Variants in NEURL1B observed in about 807,000 individuals in gnomAD.
The protein encoded by NEURL1B is neuralized E3 ubiquitin protein ligase 1B.
In NEURL1B, 13 loss-of-function variants were observed where a neutral mutation model predicts 37.4. That is an observed-to-expected ratio of 0.35 (90% confidence interval 0.23 to 0.55). The LOEUF (loss-of-function observed/expected upper bound fraction) is 0.55, where lower values mean the gene tolerates loss of function less well. NEURL1B is among the 20% of genes least tolerant of loss of function. NEURL1B has a pLI of 0.89. For missense variants in NEURL1B, 790 were observed against 879.2 expected (o/e 0.90, Z 1.28); for synonymous variants, 432 against 426.6 (o/e 1.01, Z -0.16).
chr5:172,669,661 A>C (rs1428595988), intron 1 of NEURL1B, 124 bp from the exon 2 acceptor site: 2 of 753,896 alleles, frequency 2.7e-6, no homozygotes, highest in Non-Finnish European at 1.8e-6. Context: ...AACCTTCTTA[A>C]GTTTATCAGT....
intron 1 of NEURL1B, among the ~76,000 whole-genome samples, chr5:172,667,625 C>T (rs1422153868): frequency 1.3e-5 from 2 of 152,090 alleles, no homozygotes; most frequent in Non-Finnish European, 2.9e-5. Flanking sequence ...TTCCCACCAG[C>T]TTTACTGGTA....
At chr5:172,645,321 C>T (rs926018733) in intron 1 of NEURL1B, among the ~76,000 whole-genome samples, 7 of 152,166 alleles carry the variant, frequency 4.6e-5, no homozygotes, top group Admixed American at 6.5e-5. Flanking sequence ...AAGAAGCACT[C>T]GCTTACCCCA....
At position 172,647,944 on chromosome 5, in the gene NEURL1B, G is replaced by A. The variant is rs1485058623; in HGVS notation, c.31+6507G>A. Among the ~76,000 whole-genome samples the A allele has an allele frequency of 6.6e-6, 1 of 152,064 alleles. No homozygotes were observed. Among genetic ancestry groups the A allele is most frequent in the East Asian group, 1.9e-4 (1 of 5,188 alleles). ...TCCCAATACCTTCCCTGGGCCCAGG[G>A]TCCTCACAGGCCCTTCCCCCATCCC... On this transcript the variant is annotated intron_variant, in intron 1 of 4. Coordinates refer to ENST00000369800, the MANE Select transcript of NEURL1B (RefSeq NM_001142651.3). The surrounding 1 kb of genome is among the most constrained non-coding windows in gnomAD (Gnocchi z 4.2).
At chr5:172,659,591 A>C (rs1364372308) in intron 1 of NEURL1B, among the ~76,000 whole-genome samples, 1 of 152,116 alleles carries the variant, frequency 6.6e-6, no homozygotes, top group Admixed American at 6.5e-5. Flanking sequence ...CCAGGGTTTC[A>C]ATCTCATTTT....
intron 1 of NEURL1B, among the ~76,000 whole-genome samples, chr5:172,666,181 AACC>A (rs112793091): frequency 0.073 from 10,789 of 148,192 alleles, 1,213 homozygotes; most frequent in African/African-American, 0.25. Context: ...AACAAACAAC[AACC>A]ACCACCACCA....
rs1290293879 is a variant in NEURL1B at position 172,683,155 on chromosome 5, G to A, written c.578-264G>A. Among the ~76,000 whole-genome samples, 2 of 152,108 alleles carry A rather than the reference G, an allele frequency of 1.3e-5. No individual in the cohort carries two copies. Among genetic ancestry groups the A allele is most frequent in the Non-Finnish European group, 2.9e-5 (2 of 68,020 alleles). ...TGGAAGAAGAGAAAGGAGGAGGCAGGGGAAAAAGGGCCTTATCTGCCGCTC... is the reference window on the plus strand; with the variant it reads ...TGGAAGAAGAGAAAGGAGGAGGCAGAGGAAAAAGGGCCTTATCTGCCGCTC... On this transcript the variant is annotated intron_variant, in intron 2 of 4. Transcript: ENST00000369800. This position sits in a 1 kb window ranked among gnomAD's most constrained non-coding sequence, Gnocchi z 5.6.
chr5:172,646,691 C>T (rs1015664021), intron 1 of NEURL1B, among the ~76,000 whole-genome samples: 4 of 152,120 alleles, frequency 2.6e-5, no homozygotes, highest in African/African-American at 4.8e-5. Flanking sequence ...AGTACGCGGT[C>T]GGCAGGGAAG....
intron 1 of NEURL1B, among the ~76,000 whole-genome samples, chr5:172,654,626 C>A (rs1337172944): frequency 2.0e-5 from 3 of 146,394 alleles, no homozygotes; most frequent in African/African-American, 7.6e-5. Flanking sequence ...GAGGTGTGCT[C>A]ACAATGAGGT....
rs1758497646 is a variant in NEURL1B, at chr5:172,686,396, T to C, written c.1423+100T>C. 1 of 1,265,458 alleles carries C rather than the reference T, an allele frequency of 7.9e-7. No individual in the cohort carries two copies. Among genetic ancestry groups the C allele is most frequent in the South Asian group, 1.4e-5 (1 of 69,930 alleles). 78.4% of individuals were successfully genotyped at this position (1,265,458 alleles called of 1,614,324 possible). A position where few individuals can be genotyped will look rare whatever the true frequency, so the allele number is the denominator to read the frequency against. On this transcript the variant is annotated intron_variant, in intron 4 of 4. Transcript: ENST00000369800. The surrounding 1 kb of genome is among the most constrained non-coding windows in gnomAD (Gnocchi z 7.9). ...CCAGGGACTGAGCAGGGTGGCCGCC[T>C]TTCCCCCGCATCCTCTCCTTCCCTC... is the stretch of plus-strand genomic sequence containing the variant.
Position 172,676,945 on chromosome 5 carries a change from C to T in NEURL1B, c.578-6474C>T, listed in dbSNP as rs1301122053. On this transcript the variant is annotated intron_variant, in intron 2 of 4. Coordinates refer to ENST00000369800, the MANE Select transcript of NEURL1B (RefSeq NM_001142651.3). This position sits in a 1 kb window ranked among gnomAD's most constrained non-coding sequence, Gnocchi z 4.5. ...AGACCTGAACTTATGGAGTTAAATG[C>T]AGGGTTCGGAGGTCTGAGCGCACCA... 6.6e-6 allele frequency among the ~76,000 whole-genome samples: 1 copy of T among 152,164 alleles called. No individual in the cohort carries two copies. Among genetic ancestry groups the T allele is most frequent in the African/African-American group, 2.4e-5 (1 of 41,430 alleles).
At position 172,683,153 on chromosome 5, in the gene NEURL1B, AG is replaced by A. The variant is rs1758395490; in HGVS notation, c.578-262del. On this transcript the variant is annotated intron_variant, in intron 2 of 4. Coordinates refer to ENST00000369800, the MANE Select transcript of NEURL1B (RefSeq NM_001142651.3). This position sits in a 1 kb window ranked among gnomAD's most constrained non-coding sequence, Gnocchi z 5.6. ...GATGGAAGAAGAGAAAGGAGGAGGC[AG>A]GGGAAAAAGGGCCTTATCTGCCGCT... Among the ~76,000 whole-genome samples the A allele has an allele frequency of 6.6e-6, 1 of 152,210 alleles. No homozygotes were observed. Among genetic ancestry groups the A allele is most frequent in the South Asian group, 2.1e-4 (1 of 4,834 alleles).
At chr5:172,685,166 G>T (rs1312281842) in intron 3 of NEURL1B, among the ~76,000 whole-genome samples, 1 of 152,180 alleles carries the variant, frequency 6.6e-6, no homozygotes, top group Non-Finnish European at 1.5e-5. Flanking sequence ...TGCTTCATGG[G>T]GTTGTCATGA....
intron 2 of NEURL1B, among the ~76,000 whole-genome samples, chr5:172,673,368 T>C (rs1328677452): frequency 6.6e-6 from 1 of 152,104 alleles, no homozygotes; most frequent in Non-Finnish European, 1.5e-5. Flanking sequence ...CACTCTGAAC[T>C]CCTTTCCATC....
At position 172,663,520 on chromosome 5, in the gene NEURL1B, CAA is replaced by C. The variant is rs34033673; in HGVS notation, c.32-6244_32-6243del. On this transcript the variant is annotated intron_variant, in intron 1 of 4. Coordinates refer to ENST00000369800, the MANE Select transcript of NEURL1B (RefSeq NM_001142651.3). Reference sequence around the variant, plus strand: ...TGGGGGACAGAGGAAGACTCCATCTCAAAAAAAAAAAAAAAAAAAAAAGCCAT... The same window carrying C: ...TGGGGGACAGAGGAAGACTCCATCTCAAAAAAAAAAAAAAAAAAAAGCCAT... Among the ~76,000 whole-genome samples, 792 of 110,994 alleles carry C rather than the reference CAA, an allele frequency of 7.1e-3. 3 individuals are homozygous for C. The highest frequency in any genetic ancestry group is 0.023 in the African/African-American group (671 of 29,028). 72.8% of individuals were successfully genotyped at this position (110,994 alleles called of 152,430 possible). A position where few individuals can be genotyped will look rare whatever the true frequency, so the allele number is the denominator to read the frequency against.
At chr5:172,671,874 C>T (rs1184973040) in intron 2 of NEURL1B, among the ~76,000 whole-genome samples, 1 of 152,244 alleles carries the variant, frequency 6.6e-6, no homozygotes, top group Non-Finnish European at 1.5e-5. Flanking sequence ...GACAGTGGAA[C>T]ATCTGAGTGG....
In NEURL1B at chr5:172,661,049, G is replaced by A. The variant is rs1757891955; in HGVS notation, c.32-8736G>A. Among the ~76,000 whole-genome samples, 1 of 152,098 alleles carries A rather than the reference G, an allele frequency of 6.6e-6. No homozygotes were observed. Among genetic ancestry groups the A allele is most frequent in the South Asian group, 2.1e-4 (1 of 4,830 alleles). On this transcript the variant is annotated intron_variant, in intron 1 of 4. Coordinates refer to ENST00000369800, the MANE Select transcript of NEURL1B (RefSeq NM_001142651.3). This position sits in a 1 kb window ranked among gnomAD's most constrained non-coding sequence, Gnocchi z 4.0. ...TGGCGGGAAGCCTTGCTAAATACCAGCCTTGCCTTTTCCTCTCTCTAGAGC... is the reference window on the plus strand; with the variant it reads ...TGGCGGGAAGCCTTGCTAAATACCAACCTTGCCTTTTCCTCTCTCTAGAGC...
At chr5:172,682,205 C>G (rs1758366935) in intron 2 of NEURL1B, among the ~76,000 whole-genome samples, 2 of 152,202 alleles carry the variant, frequency 1.3e-5, no homozygotes, top group South Asian at 4.1e-4. Context: ...GCTTTTTTAC[C>G]TATGTCATAT....
At chr5:172,685,141 A>G (rs192134338) in intron 3 of NEURL1B, among the ~76,000 whole-genome samples, 1 of 152,302 alleles carries the variant, frequency 6.6e-6, no homozygotes, top group Admixed American at 6.5e-5. Flanking sequence ...CCTTCTGTAG[A>G]AAGAGAGTGA....
At chr5:172,671,980 G>A (rs973972163) in intron 2 of NEURL1B, among the ~76,000 whole-genome samples, 7 of 152,246 alleles carry the variant, frequency 4.6e-5, no homozygotes, top group Non-Finnish European at 8.8e-5. Flanking sequence ...GAAACTTTCT[G>A]TGCCTCAGAT....
Sources: allele counts gnomAD v4.1 joint callset (sites outside exome capture counted in the v4.1 genomes callset), GRCh38; gene constraint gnomAD v4.1.1; non-coding constraint Gnocchi (gnomAD v3.1); transcripts MANE v1.5; gene names NCBI Gene and HGNC (gene_info 2026-07-23, HGNC 2026-07-21).